The following PIEZO2 variants were observed in gnomAD, a reference collection of about 807,000 sequenced individuals.
The protein encoded by PIEZO2 is piezo-type mechanosensitive ion channel component 2.
PIEZO2 carries 172 observed loss-of-function variants against 337.3 expected under a neutral mutation model. That is an observed-to-expected ratio of 0.51 (90% CI 0.45 to 0.58). The LOEUF (loss-of-function observed/expected upper bound fraction) is 0.58. Among genes scored for constraint, PIEZO2 ranks in the 20% least tolerant of loss-of-function variants. PIEZO2 has a pLI of 0.00. For synonymous variants in PIEZO2, 1,251 were observed against 1,228.5 expected, an observed-to-expected ratio of 1.02 and a Z score of -0.38; for missense variants, 3,028 against 3,391.3, an observed-to-expected ratio of 0.89 and a Z score of 2.66.
chr18:10,882,842 C>CTTTTTTTTTT (rs35740624), intron 4 of PIEZO2, among the ~76,000 whole-genome samples: 4 of 128,192 alleles, frequency 3.1e-5, no homozygotes, highest in Non-Finnish European at 4.7e-5. Flanking sequence ...TTCTTTTTTT[C>CTTTTTTTTTT]TTTTTTTTTT....
intron 7 of PIEZO2, among the ~76,000 whole-genome samples, chr18:10,827,909 G>A (rs2040724202): frequency 1.3e-5 from 2 of 152,088 alleles, no homozygotes; most frequent in African/African-American, 4.8e-5. Flanking sequence ...TTTCTTCAAT[G>A]ACATCTAACA....
At chr18:11,044,737 G>C (rs1262041104) in intron 2 of PIEZO2, among the ~76,000 whole-genome samples, 1 of 152,164 alleles carries the variant, frequency 6.6e-6, no homozygotes, top group African/African-American at 2.4e-5. Context: ...GATAGAATTA[G>C]CGAACACTGA....
At chr18:11,090,095 C>T (rs756173970) in intron 1 of PIEZO2, among the ~76,000 whole-genome samples, 1 of 152,158 alleles carries the variant, frequency 6.6e-6, no homozygotes, top group Non-Finnish European at 1.5e-5. Context: ...TGGATTCTGC[C>T]GGTTTCTGTG....
chr18:10,928,015 C>G (rs758270738), intron 3 of PIEZO2, among the ~76,000 whole-genome samples: 7 of 151,998 alleles, frequency 4.6e-5, no homozygotes, highest in Non-Finnish European at 1.0e-4. Context: ...ACAAGCATAC[C>G]CTTCCTTAAT....
rs976263347 is a variant in PIEZO2, at chr18:10,953,071, C to T, written c.286+26464G>A. 2.6e-5 allele frequency among the ~76,000 whole-genome samples: 4 copies of T among 151,764 alleles called. No homozygotes were observed. The highest frequency in any genetic ancestry group is 9.7e-5 in the African/African-American group (4 of 41,304). ...GTAAAGTGTCTATTCAAAAATTTTG[C>T]CCATTAAAAAAAATGAGATGTTTCC... On this transcript the variant is annotated intron_variant, in intron 3 of 55. Coordinates refer to ENST00000674853, the MANE Select transcript of PIEZO2 (RefSeq NM_001378183.1). The surrounding 1 kb of genome is among the most constrained non-coding windows in gnomAD (Gnocchi z 5.2).
At chr18:10,840,505 T>C (rs2041157656) in intron 7 of PIEZO2, among the ~76,000 whole-genome samples, 1 of 152,178 alleles carries the variant, frequency 6.6e-6, no homozygotes, top group African/African-American at 2.4e-5. Context: ...TCAACATTAA[T>C]GTTAAGTATG....
chr18:10,936,153 C>A (rs1352788680), intron 3 of PIEZO2, among the ~76,000 whole-genome samples: 1 of 152,152 alleles, frequency 6.6e-6, no homozygotes, highest in Non-Finnish European at 1.5e-5. Context: ...TCTGCCTTCC[C>A]AGCAGTTTCT....
Position 10,855,631 on chromosome 18 carries a change from T to C in PIEZO2, c.704-65A>G. On this transcript the variant is annotated intron_variant, in intron 6 of 55. Transcript: ENST00000674853. This position sits in a 1 kb window ranked among gnomAD's most constrained non-coding sequence, Gnocchi z 4.9. Reference sequence around the variant, plus strand: ...GGAAATTCACTTATCATTCAGTGAATGTGACTATTTGAAATTATGTGAATT... The same window carrying C: ...GGAAATTCACTTATCATTCAGTGAACGTGACTATTTGAAATTATGTGAATT... 1.6e-6 allele frequency: 2 copies of C among 1,239,244 alleles called. No individual in the cohort carries two copies. The highest frequency in any genetic ancestry group is 2.9e-5 in the South Asian group (2 of 69,784). The allele number at this position is 1,239,244 out of a possible 1,614,324, so 76.8% of individuals were successfully genotyped here.
At chr18:11,135,739 G>T (rs996043527) in intron 1 of PIEZO2, among the ~76,000 whole-genome samples, 3 of 152,110 alleles carry the variant, frequency 2.0e-5, no homozygotes, top group African/African-American at 7.2e-5. Flanking sequence ...GTAGAAACAG[G>T]GTTTCACCAT....
At position 11,133,837 on chromosome 18, in the gene PIEZO2, C is replaced by CTA. The variant is rs373558006; in HGVS notation, c.64+14686_64+14687dup. Among the ~76,000 whole-genome samples the CTA allele has an allele frequency of 7.6e-3, 1,139 of 149,800 alleles. 12 individuals carry two copies. The highest frequency in any genetic ancestry group is 0.061 in the East Asian group (311 of 5,122). On this transcript the variant is annotated intron_variant, in intron 1 of 55. Coordinates refer to ENST00000674853, the MANE Select transcript of PIEZO2 (RefSeq NM_001378183.1). ...ATATATATATATACTTAATAAACTC[C>CTA]TATATATATATACACTTAATAAACT...
intron 42 of PIEZO2, among the ~76,000 whole-genome samples, chr18:10,703,689 A>T (rs1317895605): frequency 6.6e-6 from 1 of 151,602 alleles, no homozygotes; most frequent in Non-Finnish European, 1.5e-5. Flanking sequence ...TTTTTTTTTT[A>T]AAGTCCCTTT....
chr18:10,743,898 T>C (rs1395002935), intron 31 of PIEZO2, among the ~76,000 whole-genome samples: 1 of 152,214 alleles, frequency 6.6e-6, no homozygotes, highest in Non-Finnish European at 1.5e-5. Flanking sequence ...AATTGATCCC[T>C]GGTCCTCTGC....
intron 2 of PIEZO2, among the ~76,000 whole-genome samples, chr18:11,043,787 A>G (rs543676094): frequency 6.6e-6 from 1 of 151,942 alleles, no homozygotes; most frequent in Non-Finnish European, 1.5e-5. Context: ...CTTCTGCCTC[A>G]GCCTCCTGAG....
At chr18:10,974,347 C>T (rs1336990584) in intron 3 of PIEZO2, among the ~76,000 whole-genome samples, 1 of 152,154 alleles carries the variant, frequency 6.6e-6, no homozygotes, top group Non-Finnish European at 1.5e-5. Flanking sequence ...TCTAGATGCC[C>T]CTCCTCCCAC....
At position 10,954,516 on chromosome 18, in the gene PIEZO2, A is replaced by G. The variant is rs2033436649; in HGVS notation, c.286+25019T>C. Among the ~76,000 whole-genome samples the G allele has an allele frequency of 6.6e-6, 1 of 152,178 alleles. No individual in the cohort carries two copies. Among genetic ancestry groups the G allele is most frequent in the Non-Finnish European group, 1.5e-5 (1 of 68,040 alleles). ...GTTGATCTTGCATCCTGTGATGTTG[A>G]CTTTTTGAAATATTCTACATTGATG... is the stretch of plus-strand genomic sequence containing the variant. On this transcript the variant is annotated intron_variant, in intron 3 of 55. Transcript: ENST00000674853. This position sits in a 1 kb window ranked among gnomAD's most constrained non-coding sequence, Gnocchi z 4.2.
rs375775237 is a variant in PIEZO2, at chr18:11,125,280, C to T, written c.64+23245G>A. Among the ~76,000 whole-genome samples, 38 of 152,164 alleles carry T rather than the reference C, an allele frequency of 2.5e-4. 1 individual carries two copies. Among genetic ancestry groups the T allele is most frequent in the African/African-American group, 7.7e-4 (32 of 41,516 alleles). On this transcript the variant is annotated intron_variant, in intron 1 of 55. Coordinates refer to ENST00000674853, the MANE Select transcript of PIEZO2 (RefSeq NM_001378183.1). This position sits in a 1 kb window ranked among gnomAD's most constrained non-coding sequence, Gnocchi z 4.4. ...TTGAGCTGATAATTCAAAAAGTATGCGAATATGTTTTAAAAACTACGATGT... is the reference window on the plus strand; with the variant it reads ...TTGAGCTGATAATTCAAAAAGTATGTGAATATGTTTTAAAAACTACGATGT...
Position 11,099,968 on chromosome 18 carries a change from A to G in PIEZO2, c.65-33746T>C, listed in dbSNP as rs2039363972. Among the ~76,000 whole-genome samples, 2 of 152,274 alleles carry G rather than the reference A, an allele frequency of 1.3e-5. No homozygotes were observed. The highest frequency in any genetic ancestry group is 2.1e-4 in the South Asian group (1 of 4,824). ...ATAATCACAAATGTTTTCTCCTAGTATGTCATTTGTCTTCATAGTTTGTTT... is the reference window on the plus strand; with the variant it reads ...ATAATCACAAATGTTTTCTCCTAGTGTGTCATTTGTCTTCATAGTTTGTTT... On this transcript the variant is annotated intron_variant, in intron 1 of 55. Coordinates refer to ENST00000674853, the MANE Select transcript of PIEZO2 (RefSeq NM_001378183.1). The surrounding 1 kb of genome is among the most constrained non-coding windows in gnomAD (Gnocchi z 5.4).
rs1425970669 is a variant in PIEZO2, at chr18:10,929,013, AT to A, written c.287-17786del. On this transcript the variant is annotated intron_variant, in intron 3 of 55. Transcript: ENST00000674853. This position sits in a 1 kb window ranked among gnomAD's most constrained non-coding sequence, Gnocchi z 5.6. ...GCATTAACAGGAGAGAGAAAAAAAGATTTTTTGGTTTGTCTCACTGCTGACT... is the reference window on the plus strand; with the variant it reads ...GCATTAACAGGAGAGAGAAAAAAAGATTTTTGGTTTGTCTCACTGCTGACT... 6.6e-6 allele frequency among the ~76,000 whole-genome samples: 1 copy of A among 152,244 alleles called. No homozygotes were observed. The highest frequency in any genetic ancestry group is 1.9e-4 in the East Asian group (1 of 5,188).
rs562251331 is a variant in PIEZO2 at position 10,999,649 on chromosome 18, G to C, written c.161-19989C>G. Among the ~76,000 whole-genome samples, 29 of 152,130 alleles carry C rather than the reference G, an allele frequency of 1.9e-4. No homozygotes were observed. The East Asian group carries it at 3.7e-3, about 19-fold the overall frequency. ...AGCACCCAAGGATTTCAGCATCTTG[G>C]GGGATACTGGAAGCAATCACCCATG... On this transcript the variant is annotated intron_variant, in intron 2 of 55. Transcript: ENST00000674853.
Sources: gnomAD v4.1 joint callset for allele counts (sites outside exome capture counted in the v4.1 genomes callset) on GRCh38, gnomAD v4.1.1 for gene constraint, Gnocchi (gnomAD v3.1) non-coding constraint, MANE v1.5 for transcripts, NCBI Gene and HGNC (gene_info 2026-07-23, HGNC 2026-07-21) for gene names.